EDC3: variants seen among roughly 807,000 people sequenced by gnomAD.
EDC3 encodes the protein enhancer of mRNA decapping 3.
Under a neutral mutation model 41.8 loss-of-function variants are expected in EDC3, and 20 were observed. That is an observed-to-expected ratio of 0.48 (90% CI 0.34 to 0.70). The LOEUF is 0.70. Among genes scored for constraint, EDC3 ranks in the 30% least tolerant of loss-of-function variants. The pLI is 0.01. For missense variants in EDC3, 444 were observed against 636.8 expected (o/e 0.70, Z 3.26); for synonymous variants, 206 against 243.2 (o/e 0.85, Z 1.42).
At chr15:74,680,118 C>T (rs904171799) in intron 1 of EDC3, among the ~76,000 whole-genome samples, 1 of 151,346 alleles carries the variant, frequency 6.6e-6, no homozygotes, top group Admixed American at 6.6e-5. Context: ...AAAAATTAGC[C>T]AGGCGTGGTG....
chr15:74,650,273 T>C (rs1373250088), intron 4 of EDC3, among the ~76,000 whole-genome samples: 3 of 152,218 alleles, frequency 2.0e-5, no homozygotes, highest in African/African-American at 7.2e-5. Context: ...CAAGGCCCTC[T>C]ATGCTCTGGT....
intron 4 of EDC3, among the ~76,000 whole-genome samples, 176 bp downstream of exon 4, chr15:74,655,557 T>C (rs1228549804): frequency 6.6e-6 from 1 of 152,186 alleles, no homozygotes; most frequent in African/African-American, 2.4e-5. Context: ...CCCTCCACCA[T>C]GGCAGAATGC....
chr15:74,673,161 T>G (rs1048133359), intron 2 of EDC3, among the ~76,000 whole-genome samples: 3 of 152,062 alleles, frequency 2.0e-5, no homozygotes, highest in African/African-American at 7.3e-5. Context: ...TGGATTTTCC[T>G]GGTGGCTATA....
intron 1 of EDC3, among the ~76,000 whole-genome samples, chr15:74,681,003 A>G (rs2141668533): frequency 6.6e-6 from 1 of 152,328 alleles, no homozygotes; most frequent in South Asian, 2.1e-4. Context: ...TAACATGTTC[A>G]TGGATTAAAA....
At chr15:74,692,041 G>T (rs1043943754) in intron 1 of EDC3, among the ~76,000 whole-genome samples, 1 of 151,940 alleles carries the variant, frequency 6.6e-6, no homozygotes, top group Non-Finnish European at 1.5e-5. Flanking sequence ...GGATGGTCTC[G>T]ATCTCCTGAC....
chr15:74,659,926 T>G (rs1218166776), intron 3 of EDC3, among the ~76,000 whole-genome samples: 1 of 151,488 alleles, frequency 6.6e-6, no homozygotes, highest in African/African-American at 2.4e-5. Flanking sequence ...GCACATGTAG[T>G]CCCAGCTACT....
At chr15:74,643,755 T>C (rs1279650541) in intron 4 of EDC3, 2 of 152,218 alleles carry the variant, frequency 1.3e-5, no homozygotes, top group African/African-American at 4.8e-5. Flanking sequence ...TGCCCAGTCT[T>C]TCTGTTGTGT....
At chr15:74,646,672 G>GGTGGT (rs2062423053) in intron 4 of EDC3, among the ~76,000 whole-genome samples, 1 of 152,164 alleles carries the variant, frequency 6.6e-6, no homozygotes, top group African/African-American at 2.4e-5. Context: ...AAGCCCAGAG[G>GGTGGT]GTGGTATGAA....
rs1042573849 is a variant in EDC3 at position 74,693,864 on chromosome 15, G to A, written c.-19+2016C>T. ...CCAGGCGTGGTGGTGCATGCTTGTA[G>A]TCCCAGGTACTTGGGAGGCTGAGGC... On this transcript the variant is annotated intron_variant, in intron 1 of 6. Transcript: ENST00000315127. Among the ~76,000 whole-genome samples, 74 of 152,152 alleles carry A rather than the reference G, an allele frequency of 4.9e-4. 1 individual carries two copies. Among genetic ancestry groups the A allele is most frequent in the African/African-American group, 1.7e-3 (71 of 41,496 alleles).
chr15:74,690,312 T>C (rs1419539762), intron 1 of EDC3, among the ~76,000 whole-genome samples: 1 of 152,248 alleles, frequency 6.6e-6, no homozygotes, highest in Admixed American at 6.5e-5. Flanking sequence ...GCCAGATAAG[T>C]AATGGGACTT....
chr15:74,677,339 C>A (rs901425187), intron 1 of EDC3, among the ~76,000 whole-genome samples: 1 of 145,198 alleles, frequency 6.9e-6, no homozygotes, highest in Non-Finnish European at 1.5e-5. Context: ...GGATTACAGG[C>A]GTGAGCCACC....
chr15:74,646,064 G>GTTT (rs11359170), intron 4 of EDC3, among the ~76,000 whole-genome samples: 4 of 127,488 alleles, frequency 3.1e-5, no homozygotes, highest in South Asian at 2.5e-4. Context: ...TTGTTGTTTT[G>GTTT]TTTTTTTTTT....
intron 4 of EDC3, among the ~76,000 whole-genome samples, chr15:74,651,446 C>T (rs1191922544): frequency 6.6e-6 from 1 of 152,206 alleles, no homozygotes; most frequent in Non-Finnish European, 1.5e-5. Context: ...CAACACTGTT[C>T]CCCATCACAA....
Position 74,676,181 on chromosome 15 carries a change from A to C in EDC3, c.-18-1039T>G, listed in dbSNP as rs193207531. Among the ~76,000 whole-genome samples, 7 of 152,332 alleles carry C rather than the reference A, an allele frequency of 4.6e-5. 1 individual carries two copies. The highest frequency in any genetic ancestry group is 4.6e-4 in the Admixed American group (7 of 15,290). Reference sequence around the variant, plus strand: ...GGGTAAAAGAAGAAATCAAAAGGGCAGTCAGAAAATAGTTCTAACTCAACG... The same window carrying C: ...GGGTAAAAGAAGAAATCAAAAGGGCCGTCAGAAAATAGTTCTAACTCAACG... On this transcript the variant is annotated intron_variant, in intron 1 of 6. Transcript: ENST00000315127.
chr15:74,657,050 G>T (rs1250909367), intron 3 of EDC3, among the ~76,000 whole-genome samples: 2 of 152,176 alleles, frequency 1.3e-5, no homozygotes, highest in Non-Finnish European at 2.9e-5. Flanking sequence ...ATTCATTCAT[G>T]TGACCTCATT....
Position 74,674,966 on chromosome 15 carries a change from G to C in EDC3, c.159C>G (p.Thr53=). Residue 53 remains threonine, a synonymous_variant, in exon 2 of 7, where the codon ACC becomes ACG. Transcript: ENST00000315127. ...NGVKCLVPEV[T]FRAGDITELK... is the part of the protein sequence containing the mutation. ...GAGTCAGTCAGGACACTCACCTGAA[G>C]GTGACTTCTGGAACAAGACACTTCA... The C allele has an allele frequency of 6.2e-7, 1 of 1,614,110 alleles. No homozygotes were observed. Among genetic ancestry groups the C allele is most frequent in the Non-Finnish European group, 8.5e-7 (1 of 1,180,038 alleles).
chr15:74,636,772 C>T (rs1041220699), intron 5 of EDC3: 19 of 152,198 alleles, frequency 1.2e-4, no homozygotes, highest in African/African-American at 4.6e-4. Context: ...CCAAACCATT[C>T]GCCTTCCCAT....
intron 1 of EDC3, among the ~76,000 whole-genome samples, chr15:74,684,415 C>T (rs913309952): frequency 6.7e-6 from 1 of 149,810 alleles, no homozygotes; most frequent in African/African-American, 2.5e-5. Flanking sequence ...ATCTGCCTAC[C>T]TCGGCCTCCC....
intron 3 of EDC3, among the ~76,000 whole-genome samples, chr15:74,668,520 T>C (rs1176277706): frequency 6.6e-6 from 1 of 152,066 alleles, no homozygotes; most frequent in Non-Finnish European, 1.5e-5. Context: ...GAAAAAAGAT[T>C]TTCAGACAGG....
Sources: gnomAD v4.1 joint callset for allele counts (sites outside exome capture counted in the v4.1 genomes callset) on GRCh38, gnomAD v4.1.1 for gene constraint, MANE v1.5 for transcripts, NCBI Gene and HGNC (gene_info 2026-07-23, HGNC 2026-07-21) for gene names.